The following TMPRSS12 variants were observed in gnomAD, a reference collection of about 807,000 sequenced individuals.
The protein encoded by TMPRSS12 is transmembrane protease serine 12.
A neutral mutation model predicts 26.0 loss-of-function variants in TMPRSS12; 25 were observed. The observed-to-expected ratio is 0.96, with a 90% CI of 0.70 to 1.34. TMPRSS12 has a LOEUF of 1.34. Among genes scored for constraint, TMPRSS12 ranks in the 40% most tolerant of loss-of-function variants. The probability of loss-of-function intolerance (pLI) is 0.00; values close to 1 mark genes in which losing one functional copy is unlikely to be tolerated. For missense variants in TMPRSS12, 441 were observed against 440.1 expected, an observed-to-expected ratio of 1.00 and a Z score of -0.02; for synonymous variants, 150 against 161.7, an observed-to-expected ratio of 0.93 and a Z score of 0.55.
At chr12:50,885,000 C>T (rs367751151) in intron 3 of TMPRSS12, among the ~76,000 whole-genome samples, 1 of 152,218 alleles carries the variant, frequency 6.6e-6, no homozygotes, top group African/African-American at 2.4e-5. Context: ...GCCGAGATCA[C>T]GTCACTGCAC....
intron 3 of TMPRSS12, among the ~76,000 whole-genome samples, chr12:50,884,140 G>A (rs1374456636): frequency 2.0e-5 from 3 of 152,128 alleles, no homozygotes; most frequent in Admixed American, 6.5e-5. Context: ...GACATAGAAG[G>A]GAATTTCCTT....
intron 3 of TMPRSS12, among the ~76,000 whole-genome samples, chr12:50,862,627 A>G (rs577549777): frequency 1.3e-5 from 2 of 152,076 alleles, no homozygotes; most frequent in East Asian, 3.9e-4. Context: ...CTGGATTCAA[A>G]CAATTCTTGT....
intron 1 of TMPRSS12, 22 bp downstream of exon 1, chr12:50,843,173 C>G (rs773910972): frequency 1.3e-6 from 2 of 1,530,322 alleles, no homozygotes; most frequent in Admixed American, 2.1e-5. Context: ...TCGTGCCTGT[C>G]TCTGGGGAGC....
chr12:50,885,124 T>C (rs1400963850), intron 3 of TMPRSS12, 122 bp from the exon 4 acceptor site: 2 of 802,170 alleles, frequency 2.5e-6, no homozygotes, highest in African/African-American at 3.5e-5. Flanking sequence ...CACATATATA[T>C]GAATATAATT....
intron 3 of TMPRSS12, among the ~76,000 whole-genome samples, chr12:50,867,332 A>G (rs1041778450): frequency 2.0e-5 from 3 of 152,242 alleles, no homozygotes; most frequent in African/African-American, 7.2e-5. Context: ...GAAATGCAAA[A>G]TGCTCTGGAA....
At chr12:50,849,000 G>T (rs188685896) in intron 2 of TMPRSS12, among the ~76,000 whole-genome samples, 12 of 152,280 alleles carry the variant, frequency 7.9e-5, no homozygotes, top group Admixed American at 7.2e-4. Flanking sequence ...CAGTAGCTGG[G>T]ACTACAGGCA....
rs367743059 is a variant in TMPRSS12 at position 50,885,293 on chromosome 12, C to T, written c.700C>T (p.Arg234Ter). 1.2e-5 allele frequency: 19 copies of T among 1,611,682 alleles called. No homozygotes were observed. The African/African-American group carries it at 1.2e-4, about 10-fold the overall frequency. Reference sequence around the variant, plus strand: ...AGATGCAGAAGTGCATTATATTTCTCGAGAGATGTGTAATTCTGAGAGGAG... The same window carrying T: ...AGATGCAGAAGTGCATTATATTTCTTGAGAGATGTGTAATTCTGAGAGGAG... ...LQDAEVHYIS[R>*]EMCNSERSYG... The change falls in exon 4 of 5, where the codon CGA becomes TGA. Residue 234 changes from arginine (R) to a stop codon, truncating the protein, a stop_gained. Transcript: ENST00000398458. LOFTEE classifies it high-confidence loss of function.
Position 50,842,947 on chromosome 12 carries a change from T to G in TMPRSS12, c.-18T>G, listed in dbSNP as rs1263144257. ...GGGTGGGAAGTACCTGCCGCCATCT[T>G]GCTCACCAGCCTCCAAAATGCGGCT... On this transcript the variant is annotated 5_prime_UTR_variant, in exon 1 of 5. Transcript: ENST00000398458. 6.4e-7 allele frequency: 1 copy of G among 1,562,526 alleles called. No individual in the cohort carries two copies. The highest frequency in any genetic ancestry group is 1.9e-5 in the Admixed American group (1 of 53,602).
chr12:50,876,291 C>G (rs1258321263), intron 3 of TMPRSS12, among the ~76,000 whole-genome samples: 2 of 152,192 alleles, frequency 1.3e-5, no homozygotes, highest in Non-Finnish European at 2.9e-5. Context: ...TTACACACTG[C>G]TGGTGGGAAT....
chr12:50,853,597 A>G (rs572397981), intron 2 of TMPRSS12, among the ~76,000 whole-genome samples: 35 of 150,928 alleles, frequency 2.3e-4, no homozygotes, highest in African/African-American at 3.6e-4. Context: ...AAAAAAAAAA[A>G]AAGAAGAAGG....
At chr12:50,846,967 T>G (rs1937774059) in intron 2 of TMPRSS12, among the ~76,000 whole-genome samples, 1 of 151,812 alleles carries the variant, frequency 6.6e-6, no homozygotes, top group African/African-American at 2.4e-5. Context: ...TCTCTTAATA[T>G]TCCATATGAA....
In TMPRSS12 at chr12:50,843,804, GA is replaced by G. The variant is rs1430570540; in HGVS notation, c.188-37del. 3.9e-6 allele frequency: 6 copies of G among 1,538,742 alleles called. No individual in the cohort carries two copies. The Admixed American group carries it at 1.2e-4, about 31-fold the overall frequency. On this transcript the variant is annotated intron_variant, in intron 1 of 4. Coordinates refer to ENST00000398458, the MANE Select transcript of TMPRSS12 (RefSeq NM_182559.3). ...AGCTTAGGAAGTAACACATACTATA[GA>G]TGCTCAGTCCAAATAATATATCATT...
chr12:50,865,953 A>T (rs1410162517), intron 3 of TMPRSS12, among the ~76,000 whole-genome samples: 1 of 152,154 alleles, frequency 6.6e-6, no homozygotes, highest in Non-Finnish European at 1.5e-5. Flanking sequence ...ATCATGGCAG[A>T]TGGGAGGCAG....
intron 3 of TMPRSS12, among the ~76,000 whole-genome samples, chr12:50,870,062 G>A (rs757115213): frequency 1.5e-4 from 23 of 151,388 alleles, no homozygotes; most frequent in Admixed American, 2.6e-4. Flanking sequence ...CAGCCTGGGC[G>A]ACAGAGGGAG....
At chr12:50,857,799 TGTTGTTGTC>T (rs762661929) in intron 2 of TMPRSS12, among the ~76,000 whole-genome samples, 125 of 150,048 alleles carry the variant, frequency 8.3e-4, no homozygotes, top group Non-Finnish European at 9.3e-4. Flanking sequence ...TTGTTGTTGT[TGTTGTTGTC>T]GTTGTTGTCG....
Position 50,849,053 on chromosome 12 carries a change from GT to G in TMPRSS12, c.383+5020del, listed in dbSNP as rs1361520986. Among the ~76,000 whole-genome samples, 6 of 152,134 alleles carry G rather than the reference GT, an allele frequency of 3.9e-5. No individual in the cohort carries two copies. The East Asian group carries it at 1.2e-3, about 29-fold the overall frequency. ...TTTTTGTGTTTTTTGTAGAGATGGGGTTTTGCTATATTGCCCAGGCTGGTCT... is the reference window on the plus strand; with the variant it reads ...TTTTTGTGTTTTTTGTAGAGATGGGGTTTGCTATATTGCCCAGGCTGGTCT... On this transcript the variant is annotated intron_variant, in intron 2 of 4. Coordinates refer to ENST00000398458, the MANE Select transcript of TMPRSS12 (RefSeq NM_182559.3).
chr12:50,882,237 C>T (rs1415344014), intron 3 of TMPRSS12, among the ~76,000 whole-genome samples: 5 of 132,304 alleles, frequency 3.8e-5, no homozygotes, highest in African/African-American at 1.4e-4. Flanking sequence ...ATTGCTTGGG[C>T]CCAGGAGTTC....
At chr12:50,846,089 T>A (rs1162576397) in intron 2 of TMPRSS12, among the ~76,000 whole-genome samples, 1 of 152,216 alleles carries the variant, frequency 6.6e-6, no homozygotes, top group Non-Finnish European at 1.5e-5. Flanking sequence ...CTGTGGGTCA[T>A]CTTTTCACTC....
In TMPRSS12 at chr12:50,858,872, CATTATTCATCCAAACTTCATTTTGGA is replaced by C; in HGVS notation, c.474_499del (p.Ile159LeufsTer4). On this transcript the variant is annotated frameshift_variant, in exon 3 of 5. Transcript: ENST00000398458. LOFTEE classifies it high-confidence loss of function. ...CCAAGAAGATAAAAATTAAAGCAAT[CATTATTCATCCAAACTTCATTTTGGA>C]ATCTTATGTAAATGATATTGCACTT... 1 of 1,597,688 alleles carries C rather than the reference CATTATTCATCCAAACTTCATTTTGGA, an allele frequency of 6.3e-7. No individual in the cohort carries two copies. The highest frequency in any genetic ancestry group is 2.2e-5 in the East Asian group (1 of 44,448).
Sources: allele counts gnomAD v4.1 joint callset (sites outside exome capture counted in the v4.1 genomes callset), GRCh38; gene constraint gnomAD v4.1.1; transcripts MANE v1.5; gene names NCBI Gene and HGNC (gene_info 2026-07-23, HGNC 2026-07-21).